The following RAD51B variants were observed in gnomAD, a reference collection of about 807,000 sequenced individuals.
RAD51B encodes DNA repair protein RAD51 homolog 2.
In RAD51B, 38 loss-of-function variants were observed where a neutral mutation model predicts 42.2. That is an observed-to-expected ratio of 0.90 (90% CI 0.70 to 1.18). The LOEUF (loss-of-function observed/expected upper bound fraction) is 1.18, where lower values mean the gene tolerates loss of function less well. Ranked by LOEUF, RAD51B falls within the 50% of genes most tolerant of loss-of-function variation. The probability of loss-of-function intolerance (pLI) is 0.00; values close to 1 mark genes in which losing one functional copy is unlikely to be tolerated. For missense variants in RAD51B, 373 were observed against 400.7 expected (o/e 0.93, Z 0.59); for synonymous variants, 154 against 145.2 (o/e 1.06, Z -0.43).
At chr14:68,049,208 G>C (rs1217172321) in intron 7 of RAD51B, among the ~76,000 whole-genome samples, 1 of 152,058 alleles carries the variant, frequency 6.6e-6, no homozygotes, top group Non-Finnish European at 1.5e-5. Flanking sequence ...GGCCTGTTGT[G>C]GGGTGGGGGG....
At chr14:67,982,237 A>G (rs116516425) in intron 7 of RAD51B, among the ~76,000 whole-genome samples, 1,574 of 152,252 alleles carry the variant, frequency 0.01, 26 homozygotes, top group African/African-American at 0.036. Flanking sequence ...GTCTGGCCCC[A>G]ATTGTACACT....
chr14:68,342,216 A>T (rs1473168299), intron 8 of RAD51B, among the ~76,000 whole-genome samples: 1 of 152,220 alleles, frequency 6.6e-6, no homozygotes, highest in Non-Finnish European at 1.5e-5. Context: ...CAATCCTTGG[A>T]ACACAGAAGC....
chr14:67,845,931 G>A (rs2041596673), intron 4 of RAD51B, among the ~76,000 whole-genome samples: 1 of 152,132 alleles, frequency 6.6e-6, no homozygotes, highest in Admixed American at 6.5e-5. Context: ...TCTCACAGAA[G>A]TTCTCTGCAT....
chr14:68,632,968 CTTTTTTTTTTTTTTTTTT>C (rs397852024), intron 10 of RAD51B, among the ~76,000 whole-genome samples: 39 of 59,430 alleles, frequency 6.6e-4, no homozygotes, highest in African/African-American at 2.7e-3. Flanking sequence ...TTTTCTTTTT[CTTTTTTTTTTTTTTTTTT>C]TTTTTTTTTT....
At chr14:68,122,700 G>A (rs1049525420) in intron 7 of RAD51B, among the ~76,000 whole-genome samples, 2 of 152,144 alleles carry the variant, frequency 1.3e-5, no homozygotes, top group Non-Finnish European at 2.9e-5. Context: ...TCCTACATTT[G>A]TGTTTTTCAT....
chr14:68,497,303 GAGGATGT>G, intron 10 of RAD51B: 5 of 1,271,822 alleles, frequency 3.9e-6, no homozygotes, highest in Non-Finnish European at 5.0e-6. Context: ...TGGAATTCTA[GAGGATGT>G]ATCTCACAAG....
At chr14:67,952,769 G>A (rs996759415) in intron 7 of RAD51B, among the ~76,000 whole-genome samples, 3 of 152,122 alleles carry the variant, frequency 2.0e-5, no homozygotes, top group Middle Eastern at 6.8e-3. Context: ...GAAAATATTA[G>A]TATCTAATAT....
chr14:67,871,632 C>CA (rs1345131976), intron 5 of RAD51B, among the ~76,000 whole-genome samples: 2 of 148,804 alleles, frequency 1.3e-5, no homozygotes. Flanking sequence ...GAGACACAAC[C>CA]AAAAAAGAGA....
rs1318495748 is a variant in RAD51B, at chr14:67,823,591, T to A, written c.48T>A (p.Cys16Ter). ...LKRVGLSQEL[C>*]DRLSRHQILT... ...GAGTGGGTTTATCACAAGAGCTGTG[T>A]GACCGTCTGAGTAGACATCAGATCC... The change falls in exon 2 of 11, where the codon TGT (cysteine) becomes TGA (stop). Residue 16 changes from cysteine to a stop codon, truncating the protein, a stop_gained. Transcript: ENST00000471583. LOFTEE classifies it high-confidence loss of function. The A allele has an allele frequency of 1.2e-6, 2 of 1,613,838 alleles. No individual in the cohort carries two copies. The highest frequency in any genetic ancestry group is 2.7e-5 in the African/African-American group (2 of 74,934).
At chr14:68,550,407 G>A (rs76773073) in intron 10 of RAD51B, among the ~76,000 whole-genome samples, 3 of 152,300 alleles carry the variant, frequency 2.0e-5, no homozygotes, top group East Asian at 3.9e-4. Context: ...GACCAAATCC[G>A]GTTATGGTCT....
At chr14:68,634,057 C>A (rs577505296) in intron 10 of RAD51B, among the ~76,000 whole-genome samples, 2 of 152,334 alleles carry the variant, frequency 1.3e-5, no homozygotes, top group African/African-American at 4.8e-5. Flanking sequence ...CTGTCTGCAT[C>A]AAGAATCTGG....
At chr14:68,011,746 G>A (rs1277875526) in intron 7 of RAD51B, among the ~76,000 whole-genome samples, 1 of 151,932 alleles carries the variant, frequency 6.6e-6, no homozygotes, top group Non-Finnish European at 1.5e-5. Flanking sequence ...GGAATACAGC[G>A]GCACAACCTG....
intron 10 of RAD51B, among the ~76,000 whole-genome samples, chr14:68,617,505 T>C (rs1453885961): frequency 6.6e-6 from 1 of 152,208 alleles, no homozygotes; most frequent in Non-Finnish European, 1.5e-5. Flanking sequence ...TATTAAGCAC[T>C]CAACAGGGCA....
At chr14:68,370,677 G>T (rs907678047) in intron 8 of RAD51B, among the ~76,000 whole-genome samples, 15 of 152,120 alleles carry the variant, frequency 9.9e-5, no homozygotes, top group African/African-American at 3.6e-4. Context: ...ATGGCAAGTG[G>T]TCAGATTCAA....
chr14:67,887,763 A>G (rs2043106249), intron 7 of RAD51B, among the ~76,000 whole-genome samples: 1 of 152,236 alleles, frequency 6.6e-6, no homozygotes, highest in Non-Finnish European at 1.5e-5. Flanking sequence ...AAACCTTGAA[A>G]GATTATTTGT....
intron 7 of RAD51B, among the ~76,000 whole-genome samples, chr14:68,062,652 C>CA (rs1439242997): frequency 1.3e-5 from 2 of 151,372 alleles, no homozygotes; most frequent in South Asian, 4.2e-4. Flanking sequence ...CAACAAAATA[C>CA]AAAAAAATTA....
At chr14:68,437,570 T>G (rs1202056673) in intron 9 of RAD51B, among the ~76,000 whole-genome samples, 1 of 152,210 alleles carries the variant, frequency 6.6e-6, no homozygotes, top group East Asian at 1.9e-4. Flanking sequence ...TTCTTTATGT[T>G]GAACACCTCC....
At chr14:68,531,211 A>G (rs574002874) in intron 10 of RAD51B, among the ~76,000 whole-genome samples, 2 of 152,178 alleles carry the variant, frequency 1.3e-5, no homozygotes, top group African/African-American at 2.4e-5. Context: ...AAGAGAAGAT[A>G]AGAAAGAAAG....
chr14:67,852,864 A>G (rs2041873299), intron 4 of RAD51B, among the ~76,000 whole-genome samples: 1 of 152,198 alleles, frequency 6.6e-6, no homozygotes, highest in African/African-American at 2.4e-5. Flanking sequence ...CCTCTCAAAG[A>G]TGTTCTGCCC....
Sources: allele counts gnomAD v4.1 joint callset (sites outside exome capture counted in the v4.1 genomes callset), GRCh38; gene constraint gnomAD v4.1.1; transcripts MANE v1.5; gene names NCBI Gene and HGNC (gene_info 2026-07-23, HGNC 2026-07-21).